Variants in IFNLR1 observed in about 807,000 individuals in gnomAD.
IFNLR1 encodes the protein interferon lambda receptor 1, also known as CRF2-12.
A neutral mutation model predicts 52.5 loss-of-function variants in IFNLR1; 28 were observed. The observed-to-expected ratio is 0.53, with a 90% CI of 0.40 to 0.73. The LOEUF (loss-of-function observed/expected upper bound fraction) is 0.73, where lower values mean the gene tolerates loss of function less well. IFNLR1 is among the 30% of genes least tolerant of loss of function. The pLI, the probability that IFNLR1 is intolerant of heterozygous loss-of-function variation, is 0.00. For synonymous variants in IFNLR1, 276 were observed against 274.9 expected (o/e 1.00, Z -0.04); for missense variants, 623 against 659.1 (o/e 0.95, Z 0.60).
chr1:24,161,218 C>A (rs1252672307), intron 4 of IFNLR1, among the ~76,000 whole-genome samples: 3 of 152,228 alleles, frequency 2.0e-5, no homozygotes, highest in Non-Finnish European at 4.4e-5. Flanking sequence ...GCTATACACA[C>A]ATGCATACAC....
intron 5 of IFNLR1, 111 bp from the exon 6 acceptor site, chr1:24,159,293 C>T: frequency 7.1e-7 from 1 of 1,399,062 alleles, no homozygotes; most frequent in South Asian, 1.3e-5. Context: ...CAAGAATAAA[C>T]CCATCCTGCA....
chr1:24,180,303 A>C (rs1644675715), intron 2 of IFNLR1, among the ~76,000 whole-genome samples: 1 of 151,740 alleles, frequency 6.6e-6, no homozygotes. Context: ...TCTCAAAAAA[A>C]AAAAAAAAAG....
chr1:24,164,700 A>T (rs1322969218), intron 3 of IFNLR1, among the ~76,000 whole-genome samples: 3 of 151,878 alleles, frequency 2.0e-5, no homozygotes, highest in Non-Finnish European at 4.4e-5. Context: ...TATCTTCCTG[A>T]AGTTTGGTAT....
At chr1:24,185,484 G>A (rs1213739880) in intron 1 of IFNLR1, among the ~76,000 whole-genome samples, 1 of 152,210 alleles carries the variant, frequency 6.6e-6, no homozygotes, top group Non-Finnish European at 1.5e-5. Flanking sequence ...AAATCCATAC[G>A]GGTTGCAAAA....
chr1:24,180,935 G>T (rs1460911567), intron 1 of IFNLR1, 81 bp from the exon 2 acceptor site: 5 of 1,442,138 alleles, frequency 3.5e-6, no homozygotes, highest in Non-Finnish European at 4.7e-6. Context: ...GGGGCAGCAC[G>T]AAGGGCAAGC....
chr1:24,168,371 C>T (rs986337575), intron 3 of IFNLR1, among the ~76,000 whole-genome samples: 7 of 152,176 alleles, frequency 4.6e-5, no homozygotes, highest in African/African-American at 1.7e-4. Flanking sequence ...CAGCAAGTTA[C>T]AGCTCTCAGC....
intron 2 of IFNLR1, among the ~76,000 whole-genome samples, chr1:24,177,870 G>A (rs1644650328): frequency 6.6e-6 from 1 of 152,184 alleles, no homozygotes; most frequent in African/African-American, 2.4e-5. Context: ...TTGAGAAACA[G>A]GATTCTCAGT....
intron 3 of IFNLR1, among the ~76,000 whole-genome samples, chr1:24,166,012 C>T (rs1433610019): frequency 6.6e-6 from 1 of 152,170 alleles, no homozygotes; most frequent in Admixed American, 6.5e-5. Context: ...AGGAGAAATT[C>T]AGGGAGGAGG....
Position 24,159,638 on chromosome 1 carries a change from T to A in IFNLR1, c.511-5A>T, listed in dbSNP as rs1172920387. The A allele has an allele frequency of 6.2e-7, 1 of 1,613,656 alleles. No individual in the cohort carries two copies. The highest frequency in any genetic ancestry group is 1.7e-5 in the Admixed American group (1 of 59,976). On this transcript the variant is annotated splice_polypyrimidine_tract_variant and splice_region_variant and intron_variant, in intron 4 of 6. Coordinates refer to ENST00000327535, the MANE Select transcript of IFNLR1 (RefSeq NM_170743.4). ...GGGAGTGACTGGAAATAGGGTCTGTTTGGAAAAGAAGCAGAGAGTGGCAGA... is the reference window on the plus strand; with the variant it reads ...GGGAGTGACTGGAAATAGGGTCTGTATGGAAAAGAAGCAGAGAGTGGCAGA...
chr1:24,157,196 C>T lies in IFNLR1; in HGVS notation c.1497G>A (p.Trp499Ter). 1 of 1,614,152 alleles carries T rather than the reference C, an allele frequency of 6.2e-7. No homozygotes were observed. The highest frequency in any genetic ancestry group is 8.5e-7 in the Non-Finnish European group (1 of 1,180,032). The change falls in exon 7 of 7, where the codon TGG becomes TGA. Residue 499 changes from tryptophan (W) to a stop codon, truncating the protein, a stop_gained. Coordinates refer to ENST00000327535, the MANE Select transcript of IFNLR1 (RefSeq NM_170743.4). LOFTEE classifies it high-confidence loss of function. The surrounding 1 kb of genome is among the most constrained non-coding windows in gnomAD (Gnocchi z 5.1). ...CGGTCCTCTGGGTGCTCTCAGCCCC[C>T]CAGCTGCCCGCATCGCTGTCCTCAA... is the stretch of plus-strand genomic sequence containing the variant. ...SEIEDSDAGS[W>*]GAESTQRTED...
chr1:24,158,490 C>T (rs765716203), intron 6 of IFNLR1, among the ~76,000 whole-genome samples: 12 of 152,218 alleles, frequency 7.9e-5, no homozygotes, highest in East Asian at 3.9e-4. Context: ...AGAATCCATC[C>T]TCAAAGCCCC....
intron 3 of IFNLR1, among the ~76,000 whole-genome samples, chr1:24,166,327 G>A (rs1410743169): frequency 2.0e-5 from 3 of 151,758 alleles, no homozygotes; most frequent in African/African-American, 7.3e-5. Flanking sequence ...TCTAGCCAGT[G>A]AGCCTTCTAA....
At chr1:24,180,576 C>G (rs1165545666) in intron 2 of IFNLR1, among the ~76,000 whole-genome samples, 155 bp downstream of exon 2, 1 of 152,178 alleles carries the variant, frequency 6.6e-6, no homozygotes, top group African/African-American at 2.4e-5. Context: ...TTATCAAAAG[C>G]CCCTCTCCAA....
Position 24,157,521 on chromosome 1 carries a change from G to A in IFNLR1, c.1172C>T (p.Ala391Val), listed in dbSNP as rs370153471. Residue 391 changes from alanine to valine, a missense_variant, in exon 7 of 7, where the codon GCC (alanine) becomes GTC (valine). Physicochemically the swap from Ala to Val is moderately conservative, Grantham distance 64 (BLOSUM62 0). Transcript: ENST00000327535. The surrounding 1 kb of genome is among the most constrained non-coding windows in gnomAD (Gnocchi z 5.1). The part of the protein sequence containing the change: ...SAWDSSDRSW[A>V]STVDSSWDRA... ...GTCCCAGGAGGAGTCCACAGTGCTG[G>A]CCCAGCTTCTGTCTGAAGAATCCCA... The A allele has an allele frequency of 2.9e-5, 46 of 1,611,420 alleles. No homozygotes were observed. The highest frequency in any genetic ancestry group is 3.6e-5 in the Non-Finnish European group (42 of 1,178,810).
chr1:24,171,867 G>A (rs1355449372), intron 2 of IFNLR1, among the ~76,000 whole-genome samples: 1 of 151,978 alleles, frequency 6.6e-6, no homozygotes, highest in Non-Finnish European at 1.5e-5. Context: ...TGTTGCCCAG[G>A]CTGGTCTCAA....
chr1:24,174,088 C>T (rs1257795914), intron 2 of IFNLR1, among the ~76,000 whole-genome samples: 2 of 148,990 alleles, frequency 1.3e-5, no homozygotes, highest in Non-Finnish European at 2.9e-5. Context: ...GGGCCCTAAT[C>T]CAGTAGGACT....
Position 24,179,948 on chromosome 1 carries a change from T to C in IFNLR1, c.182+783A>G, listed in dbSNP as rs897057874. The stretch of plus-strand genomic sequence containing the variant: ...ATCTGCTTCCATTGTCAGATTTCTC[T>C]GGATTCGCTGTGGCTGCCTGGGCTT... On this transcript the variant is annotated intron_variant, in intron 2 of 6. Transcript: ENST00000327535. 5.3e-5 allele frequency among the ~76,000 whole-genome samples: 8 copies of C among 152,348 alleles called. No individual in the cohort carries two copies. In the South Asian group the frequency reaches 1.7e-3, roughly 32 times the overall value.
chr1:24,173,460 G>A (rs1174112159), intron 2 of IFNLR1, among the ~76,000 whole-genome samples: 10 of 152,132 alleles, frequency 6.6e-5, no homozygotes, highest in Non-Finnish European at 1.2e-4. Flanking sequence ...AGCACATGGA[G>A]TAACTAGAAC....
intron 1 of IFNLR1, among the ~76,000 whole-genome samples, chr1:24,183,125 A>T (rs1444687823): frequency 2.0e-5 from 3 of 152,202 alleles, no homozygotes; most frequent in Non-Finnish European, 4.4e-5. Flanking sequence ...TGTAAAAAAC[A>T]CTGTCATAAT....
Sources: allele counts gnomAD v4.1 joint callset (sites outside exome capture counted in the v4.1 genomes callset), GRCh38; gene constraint gnomAD v4.1.1; non-coding constraint Gnocchi (gnomAD v3.1); transcripts MANE v1.5; gene names NCBI Gene and HGNC (gene_info 2026-07-23, HGNC 2026-07-21).